ESYT3: variants seen among roughly 807,000 people sequenced by gnomAD.
ESYT3 encodes extended synaptotagmin-3.
ESYT3 carries 101 observed loss-of-function variants against 111.5 expected under a neutral mutation model. The ratio of observed to expected loss-of-function variants is 0.91; its 90% CI spans 0.77 to 1.07. The LOEUF (loss-of-function observed/expected upper bound fraction) is 1.07. Ranked by LOEUF, ESYT3 falls within the 50% of genes least tolerant of loss-of-function variation. The probability of loss-of-function intolerance (pLI) is 0.00; values close to 1 mark genes in which losing one functional copy is unlikely to be tolerated. For synonymous variants in ESYT3, 416 were observed against 446.8 expected (o/e 0.93, Z 0.87); for missense variants, 1,097 against 1,109.4 (o/e 0.99, Z 0.16).
intron 7 of ESYT3, among the ~76,000 whole-genome samples, chr3:138,461,122 G>A (rs1180480984): frequency 2.0e-5 from 3 of 152,198 alleles, no homozygotes; most frequent in African/African-American, 7.2e-5. Context: ...TAAAAGGGGA[G>A]CCTGGTTCCT....
chr3:138,455,849 A>G (rs1221765404), intron 3 of ESYT3, among the ~76,000 whole-genome samples: 1 of 152,238 alleles, frequency 6.6e-6, no homozygotes, highest in Non-Finnish European at 1.5e-5. Flanking sequence ...AGTTTGTGTC[A>G]GCACACCTAA....
intron 7 of ESYT3, among the ~76,000 whole-genome samples, 187 bp from the exon 8 acceptor site, chr3:138,461,899 A>G (rs1247048549): frequency 6.6e-6 from 1 of 152,082 alleles, no homozygotes; most frequent in Non-Finnish European, 1.5e-5. Context: ...CTGTTGAGAT[A>G]GAATGTCAGG....
At chr3:138,436,331 C>T (rs946243182) in intron 1 of ESYT3, among the ~76,000 whole-genome samples, 1 of 152,158 alleles carries the variant, frequency 6.6e-6, no homozygotes, top group Non-Finnish European at 1.5e-5. Flanking sequence ...TTCACACCGT[C>T]TTCCTTCTGT....
In ESYT3 at chr3:138,435,346, C is replaced by T. The variant is rs1229151049; in HGVS notation, c.327+221C>T. On this transcript the variant is annotated intron_variant, in intron 1 of 22. Coordinates refer to ENST00000389567, the MANE Select transcript of ESYT3 (RefSeq NM_031913.5). This position sits in a 1 kb window ranked among gnomAD's most constrained non-coding sequence, Gnocchi z 4.8. ...CTCACGTCCACCTCTGGTCCGACTG[C>T]GGTGGGAGTGGGGAACTTGGGTTTC... 6.6e-6 allele frequency among the ~76,000 whole-genome samples: 1 copy of T among 152,146 alleles called. No homozygotes were observed. The highest frequency in any genetic ancestry group is 1.5e-5 in the Non-Finnish European group (1 of 68,014).
intron 1 of ESYT3, among the ~76,000 whole-genome samples, chr3:138,450,432 G>T (rs1447680273): frequency 1.3e-5 from 2 of 152,110 alleles, no homozygotes; most frequent in Admixed American, 1.3e-4. Context: ...ATTCCTTCCC[G>T]CATCGATCTC....
At chr3:138,464,913 G>C (rs2032847037) in intron 9 of ESYT3, among the ~76,000 whole-genome samples, 1 of 152,172 alleles carries the variant, frequency 6.6e-6, no homozygotes, top group African/African-American at 2.4e-5. Flanking sequence ...CACGCTCCAG[G>C]AGCCACATCT....
chr3:138,467,961 G>A, intron 11 of ESYT3, 144 bp from the exon 12 acceptor site: 1 of 673,476 alleles, frequency 1.5e-6, no homozygotes, highest in South Asian at 1.8e-5. Context: ...AGCATACCCT[G>A]TCTGGGCTGG....
At position 138,479,870 on chromosome 3, in the gene ESYT3, T is replaced by A. The variant is rs2108636721; in HGVS notation, c.*3016T>A. On this transcript the variant is annotated 3_prime_UTR_variant, in exon 23 of 23. Transcript: ENST00000389567. ...CCTGAAGTTGATATTCTGTATCCCC[T>A]AGAGTCCACTTCTACCCCGTTTAGT... 6.6e-6 allele frequency: 1 copy of A among 152,292 alleles called. No homozygotes were observed. Among genetic ancestry groups the A allele is most frequent in the South Asian group, 2.1e-4 (1 of 4,826 alleles). 9.4% of individuals were successfully genotyped at this position (152,292 alleles called of 1,614,324 possible). A position where few individuals can be genotyped will look rare whatever the true frequency, so the allele number is the denominator to read the frequency against.
chr3:138,445,025 A>T (rs2031435439), intron 1 of ESYT3, among the ~76,000 whole-genome samples: 2 of 152,208 alleles, frequency 1.3e-5, no homozygotes, highest in Non-Finnish European at 2.9e-5. Context: ...AGCTTGTTAA[A>T]GACGCAGGTT....
rs1356789739 is a variant in ESYT3 at position 138,478,500 on chromosome 3, A to G, written c.*1646A>G. On this transcript the variant is annotated 3_prime_UTR_variant, in exon 23 of 23. Coordinates refer to ENST00000389567, the MANE Select transcript of ESYT3 (RefSeq NM_031913.5). ...GGAGAAGCACCAGAGAAATAAGGGA[A>G]TGTATCATATGTACATCGAAACATT... 6.6e-6 allele frequency: 1 copy of G among 152,232 alleles called. No homozygotes were observed. Among genetic ancestry groups the G allele is most frequent in the African/African-American group, 2.4e-5 (1 of 41,446 alleles). 9.4% of individuals were successfully genotyped at this position (152,232 alleles called of 1,614,324 possible). A position where few individuals can be genotyped will look rare whatever the true frequency, so the allele number is the denominator to read the frequency against.
rs745923555 is a variant in ESYT3 at position 138,435,603 on chromosome 3, G to A, written c.327+478G>A. Among the ~76,000 whole-genome samples the A allele has an allele frequency of 4.0e-4, 61 of 152,228 alleles. No individual in the cohort carries two copies. Among genetic ancestry groups the A allele is most frequent in the Non-Finnish European group, 7.5e-4 (51 of 68,036 alleles). ...CGGCCGAGGCCTGGACTGCGGTAGG[G>A]GGAGGGCTCCGCGGGGCTGGAGGTG... On this transcript the variant is annotated intron_variant, in intron 1 of 22. Coordinates refer to ENST00000389567, the MANE Select transcript of ESYT3 (RefSeq NM_031913.5). The surrounding 1 kb of genome is among the most constrained non-coding windows in gnomAD (Gnocchi z 4.8).
At chr3:138,463,612 T>G (rs1426656311) in intron 8 of ESYT3, among the ~76,000 whole-genome samples, 1 of 152,218 alleles carries the variant, frequency 6.6e-6, no homozygotes, top group African/African-American at 2.4e-5. Context: ...ACATGTCTTT[T>G]TATATTTTTG....
In ESYT3 at chr3:138,479,570, GCTTTT is replaced by G. The variant is rs1457290605; in HGVS notation, c.*2720_*2724del. On this transcript the variant is annotated 3_prime_UTR_variant, in exon 23 of 23. Transcript: ENST00000389567. ...GGACACTCTATAGCAGGAAGAAGGG[GCTTTT>G]CTTCTGATGTTTTCCATGGCTGCTA... The G allele has an allele frequency of 1.3e-5, 2 of 152,224 alleles. No homozygotes were observed. Among genetic ancestry groups the G allele is most frequent in the African/African-American group, 4.8e-5 (2 of 41,438 alleles). 9.4% of individuals were successfully genotyped at this position (152,224 alleles called of 1,614,324 possible).
intron 2 of ESYT3, among the ~76,000 whole-genome samples, chr3:138,454,066 C>T (rs1239210231): frequency 1.3e-5 from 2 of 152,122 alleles, no homozygotes; most frequent in Non-Finnish European, 2.9e-5. Flanking sequence ...TCCATCAGCT[C>T]GGGTAACAGG....
chr3:138,459,157 CCCA>C, intron 4 of ESYT3, 27 bp from the exon 5 acceptor site: 1 of 1,483,200 alleles, frequency 6.7e-7, no homozygotes, highest in Non-Finnish European at 9.1e-7. Context: ...ACCCCTCCTC[CCCA>C]CCTTCCTTTT....
rs1047268001 is a variant in ESYT3 at position 138,468,557 on chromosome 3, G to C, written c.1309-98G>C. 4 of 1,243,872 alleles carry C rather than the reference G, an allele frequency of 3.2e-6. No homozygotes were observed. The South Asian group carries it at 3.6e-5, about 11-fold the overall frequency. 77.1% of individuals were successfully genotyped at this position (1,243,872 alleles called of 1,614,324 possible). A position where few individuals can be genotyped will look rare whatever the true frequency, so the allele number is the denominator to read the frequency against. ...CCGGCAGCTAGTCTGGAGTGTGAAG[G>C]CTAGCTGGCTTTCTTCTGCCATGAG... On this transcript the variant is annotated intron_variant, in intron 12 of 22. Coordinates refer to ENST00000389567, the MANE Select transcript of ESYT3 (RefSeq NM_031913.5).
chr3:138,481,052 C>T (rs2033679544), downstream of ESYT3: 1 of 152,136 alleles, frequency 6.6e-6, no homozygotes, highest in Admixed American at 6.6e-5. Context: ...CGAAATGGTC[C>T]TTTACTCATA....
At position 138,467,617 on chromosome 3, in the gene ESYT3, T is replaced by C; in HGVS notation, c.1218+8T>C. 6.2e-7 allele frequency: 1 copy of C among 1,614,032 alleles called. No individual in the cohort carries two copies. The highest frequency in any genetic ancestry group is 8.5e-7 in the Non-Finnish European group (1 of 1,179,970). On this transcript the variant is annotated splice_region_variant and intron_variant, in intron 11 of 22. Transcript: ENST00000389567. ...AACAGAGTGGTGGATGAGGTACAGT[T>C]GGTGCTTGCAACCCTCGGGGGAGTT...
At chr3:138,471,695 C>A (rs906367857) in intron 17 of ESYT3, among the ~76,000 whole-genome samples, 1 of 152,150 alleles carries the variant, frequency 6.6e-6, no homozygotes, top group African/African-American at 2.4e-5. Context: ...TGACCTGGAT[C>A]GAGGTTGTTC....
Sources: allele counts gnomAD v4.1 joint callset (sites outside exome capture counted in the v4.1 genomes callset), GRCh38; gene constraint gnomAD v4.1.1; non-coding constraint Gnocchi (gnomAD v3.1); transcripts MANE v1.5; gene names NCBI Gene and HGNC (gene_info 2026-07-23, HGNC 2026-07-21).